ADAM9: variants seen among roughly 807,000 people sequenced by gnomAD.
The protein encoded by ADAM9 is ADAM metallopeptidase domain 9, also known as disintegrin and metalloproteinase domain-containing protein 9.
Under a neutral mutation model 108.1 loss-of-function variants are expected in ADAM9, and 54 were observed. The observed-to-expected ratio is 0.50, with a 90% confidence interval of 0.40 to 0.63. ADAM9 has a LOEUF of 0.63. Ranked by LOEUF, ADAM9 falls within the 20% of genes least tolerant of loss-of-function variation. ADAM9 has a pLI of 0.00. For synonymous variants in ADAM9, 316 were observed against 336.0 expected, an observed-to-expected ratio of 0.94 and a Z score of 0.65; for missense variants, 830 against 997.7, an observed-to-expected ratio of 0.83 and a Z score of 2.26.
At chr8:39,087,696 A>G (rs1383830852) in intron 18 of ADAM9, among the ~76,000 whole-genome samples, 1 of 152,244 alleles carries the variant, frequency 6.6e-6, no homozygotes, top group Non-Finnish European at 1.5e-5. Context: ...CAGTTTCAAA[A>G]TAATCTTGCC....
chr8:39,101,699 G>GA (rs892240792), intron 20 of ADAM9, among the ~76,000 whole-genome samples, 164 bp from the exon 21 acceptor site: 2 of 151,538 alleles, frequency 1.3e-5, no homozygotes, highest in Admixed American at 6.6e-5. Flanking sequence ...TCCAAAATTG[G>GA]AAAAAAAATC....
chr8:39,052,655 T>C (rs1837994902), intron 12 of ADAM9, among the ~76,000 whole-genome samples: 1 of 152,170 alleles, frequency 6.6e-6, no homozygotes, highest in South Asian at 2.1e-4. Flanking sequence ...ATTAAACTTA[T>C]CCACTAATGA....
At chr8:39,045,411 C>CTACACACACCTATATGT in intron 12 of ADAM9, among the ~76,000 whole-genome samples, 1 of 20,742 alleles carries the variant, frequency 4.8e-5, no homozygotes, top group Admixed American at 3.3e-4. Context: ...CCTATATGTG[C>CTACACACACCTATATGT]GCGTGTGTAC....
intron 7 of ADAM9, among the ~76,000 whole-genome samples, chr8:39,019,475 T>C (rs111562508): frequency 0.041 from 6,316 of 152,294 alleles, 452 homozygotes; most frequent in African/African-American, 0.14. Flanking sequence ...AATGTGTCCC[T>C]ATTTTGGCAT....
At chr8:39,016,024 AC>A (rs1836514212) in intron 4 of ADAM9, 93 bp from the exon 5 acceptor site, 2 of 1,134,556 alleles carry the variant, frequency 1.8e-6, no homozygotes, top group Admixed American at 3.5e-5. Context: ...ATTAAACTTG[AC>A]TGGCCTAAAG....
intron 14 of ADAM9, among the ~76,000 whole-genome samples, chr8:39,066,008 T>G (rs1838458527): frequency 6.6e-6 from 1 of 152,180 alleles, no homozygotes; most frequent in African/African-American, 2.4e-5. Flanking sequence ...GGTGTTTGGT[T>G]TTTTGTCCTT....
chr8:39,017,299 G>A lies in ADAM9; in HGVS notation c.491G>A (p.Arg164Gln), dbSNP rs760058275. ...TCTCATTTTGAGCACATCATTTATCGAATGGATGATGTCTACAAAGAGCCT... is the reference window on the plus strand; with the variant it reads ...TCTCATTTTGAGCACATCATTTATCAAATGGATGATGTCTACAAAGAGCCT... ...NSSHFEHIIY[R>Q]MDDVYKEPLK... The change falls in exon 6 of 22, where the codon CGA becomes CAA. Residue 164 changes from arginine (R) to glutamine (Q), a missense_variant. Physicochemically the swap from Arg to Gln is conservative, Grantham distance 43. Coordinates refer to ENST00000487273, the MANE Select transcript of ADAM9 (RefSeq NM_003816.3). 9.3e-6 allele frequency: 15 copies of A among 1,613,860 alleles called. No homozygotes were observed. The highest frequency in any genetic ancestry group is 4.5e-5 in the East Asian group (2 of 44,876).
chr8:39,007,173 G>A (rs183986920), intron 1 of ADAM9, among the ~76,000 whole-genome samples: 4 of 152,292 alleles, frequency 2.6e-5, no homozygotes, highest in East Asian at 1.9e-4. Flanking sequence ...AGGTCATAAG[G>A]CAAGAGGAAG....
chr8:39,102,743 T>G (rs751872849), intron 21 of ADAM9, among the ~76,000 whole-genome samples: 32 of 152,140 alleles, frequency 2.1e-4, no homozygotes, highest in Non-Finnish European at 4.4e-4. Context: ...AAAGTCAAGA[T>G]TGAGAATTTC....
chr8:39,057,380 ATATCT>A lies in ADAM9; in HGVS notation c.1591+1612_1591+1616del, dbSNP rs566676510. On this transcript the variant is annotated intron_variant, in intron 14 of 21. Coordinates refer to ENST00000487273, the MANE Select transcript of ADAM9 (RefSeq NM_003816.3). ...TTACATATAATATATTAAATATATA[ATATCT>A]TATATATGTATTACATGAAAATCAA... is the stretch of plus-strand genomic sequence containing the variant. Among the ~76,000 whole-genome samples the A allele has an allele frequency of 8.6e-4, 128 of 148,890 alleles. 1 individual carries two copies. Among genetic ancestry groups the A allele is most frequent in the African/African-American group, 2.7e-3 (111 of 40,992 alleles).
chr8:39,017,730 G>C (rs766690198), intron 6 of ADAM9, among the ~76,000 whole-genome samples: 1 of 152,110 alleles, frequency 6.6e-6, no homozygotes, highest in Non-Finnish European at 1.5e-5. Context: ...ACTGCTACAG[G>C]TCTGTGCCAC....
chr8:39,093,895 G>T (rs547726089), intron 20 of ADAM9, among the ~76,000 whole-genome samples: 1 of 152,308 alleles, frequency 6.6e-6, no homozygotes, highest in Non-Finnish European at 1.5e-5. Flanking sequence ...TCAGCCTCCT[G>T]AGTAGCTGGG....
intron 21 of ADAM9, among the ~76,000 whole-genome samples, chr8:39,103,064 G>A (rs181163534): frequency 3.6e-4 from 55 of 152,318 alleles, no homozygotes; most frequent in Non-Finnish European, 6.2e-4. Flanking sequence ...ACCAGGTAGT[G>A]TTCTAGTGTT....
At chr8:39,037,340 C>T (rs1291083043) in intron 11 of ADAM9, among the ~76,000 whole-genome samples, 1 of 149,958 alleles carries the variant, frequency 6.7e-6, no homozygotes, top group African/African-American at 2.4e-5. Flanking sequence ...TAAGCCACCA[C>T]GCCCGGCCTG....
At chr8:39,036,768 C>T (rs1363470676) in intron 11 of ADAM9, among the ~76,000 whole-genome samples, 1 of 152,100 alleles carries the variant, frequency 6.6e-6, no homozygotes, top group Admixed American at 6.5e-5. Context: ...AAGGCCAACA[C>T]AGGGGATGTT....
chr8:39,078,946 A>G (rs1012760390), intron 16 of ADAM9, among the ~76,000 whole-genome samples: 3 of 152,178 alleles, frequency 2.0e-5, no homozygotes, highest in African/African-American at 4.8e-5. Flanking sequence ...TAATATTTAC[A>G]TAATTAATAT....
At chr8:39,056,057 G>A (rs1588392157) in intron 14 of ADAM9, among the ~76,000 whole-genome samples, 1 of 151,978 alleles carries the variant, frequency 6.6e-6, no homozygotes. Context: ...TGTGCACAAG[G>A]ATCTGCTATT....
At chr8:39,055,141 C>T (rs1438117082) in intron 13 of ADAM9, among the ~76,000 whole-genome samples, 3 of 152,052 alleles carry the variant, frequency 2.0e-5, no homozygotes, top group Non-Finnish European at 2.9e-5. Flanking sequence ...TTGATTACTT[C>T]CAGTTACTGC....
chr8:39,021,852 G>A, intron 8 of ADAM9, 138 bp downstream of exon 8: 4 of 767,724 alleles, frequency 5.2e-6, no homozygotes, highest in Non-Finnish European at 9.0e-6. Flanking sequence ...CTGCTTTCTG[G>A]TTTGTTTTGT....
Sources: gnomAD v4.1 joint callset for allele counts (sites outside exome capture counted in the v4.1 genomes callset) on GRCh38, gnomAD v4.1.1 for gene constraint, MANE v1.5 for transcripts, NCBI Gene and HGNC (gene_info 2026-07-23, HGNC 2026-07-21) for gene names.